Variants in MCM9 observed in about 807,000 individuals in gnomAD.
The protein encoded by MCM9 is minichromosome maintenance 9 homologous recombination repair factor, also known as DNA helicase MCM9.
MCM9 carries 55 observed loss-of-function variants against 72.8 expected under a neutral mutation model. The ratio of observed to expected loss-of-function variants is 0.76; its 90% confidence interval spans 0.61 to 0.95. The LOEUF (loss-of-function observed/expected upper bound fraction) is 0.95. Ranked by LOEUF, MCM9 falls within the 40% of genes least tolerant of loss-of-function variation. The pLI, the probability that MCM9 is intolerant of heterozygous loss-of-function variation, is 0.00. For missense variants in MCM9, 1,279 were observed against 1,377.0 expected, an observed-to-expected ratio of 0.93 and a Z score of 1.13; for synonymous variants, 480 against 503.4, an observed-to-expected ratio of 0.95 and a Z score of 0.62.
chr6:118,855,650 T>C (rs1364104288), intron 9 of MCM9, among the ~76,000 whole-genome samples: 1 of 152,174 alleles, frequency 6.6e-6, no homozygotes, highest in Non-Finnish European at 1.5e-5. Context: ...CTGGCAGCCC[T>C]ACCTGTCTGA....
chr6:118,907,425 T>G, intron 8 of MCM9: 1 of 1,605,806 alleles, frequency 6.2e-7, no homozygotes. Flanking sequence ...TTTTGGCATC[T>G]AATCCCAGGG....
chr6:118,837,970 T>C (rs1775080511), intron 9 of MCM9, among the ~76,000 whole-genome samples: 1 of 152,186 alleles, frequency 6.6e-6, no homozygotes, highest in Non-Finnish European at 1.5e-5. Flanking sequence ...GTCTTTACAA[T>C]TTCAAATGTT....
chr6:118,821,894 C>T (rs190170452), intron 13 of MCM9, among the ~76,000 whole-genome samples: 2 of 152,188 alleles, frequency 1.3e-5, no homozygotes, highest in African/African-American at 4.8e-5. Flanking sequence ...CTCTGATATC[C>T]TTTCTCACGC....
At chr6:118,831,660 AATAC>A (rs1774572505) in intron 9 of MCM9, among the ~76,000 whole-genome samples, 1 of 152,184 alleles carries the variant, frequency 6.6e-6, no homozygotes, top group African/African-American at 2.4e-5. Flanking sequence ...AACAAACACA[AATAC>A]ATACATACAA....
At chr6:118,904,951 C>G (rs1050868438) in intron 8 of MCM9, among the ~76,000 whole-genome samples, 2 of 152,188 alleles carry the variant, frequency 1.3e-5, no homozygotes, top group Non-Finnish European at 2.9e-5. Context: ...GATTCTCCTG[C>G]CTCAGCCTCC....
In MCM9 at chr6:118,816,386, A is replaced by G. The variant is rs1372434381; in HGVS notation, c.1962-92T>C. 3 of 1,127,108 alleles carry G rather than the reference A, an allele frequency of 2.7e-6. No homozygotes were observed. The East Asian group carries it at 8.1e-5, about 30-fold the overall frequency. The allele number at this position is 1,127,108 out of a possible 1,614,324, so 69.8% of individuals were successfully genotyped here. On this transcript the variant is annotated intron_variant, in intron 13 of 13. Coordinates refer to ENST00000619706, the MANE Select transcript of MCM9 (RefSeq NM_017696.3). ...TCTTTAGTCTCTGAGATACCATCTT[A>G]AAGATTTAAGTCCCACATAATTCCA...
chr6:118,845,618 CA>C (rs1339179213), intron 9 of MCM9, among the ~76,000 whole-genome samples: 1 of 151,776 alleles, frequency 6.6e-6, no homozygotes, highest in Non-Finnish European at 1.5e-5. Context: ...CCATATCTAG[CA>C]CAGGATGTTC....
intron 1 of MCM9, 62 bp downstream of exon 1, chr6:118,934,829 C>G (rs1243329203): frequency 6.6e-6 from 1 of 152,270 alleles, no homozygotes; most frequent in Non-Finnish European, 1.5e-5. Flanking sequence ...GAGACGGGAA[C>G]GAGACTTGGG....
intron 9 of MCM9, among the ~76,000 whole-genome samples, chr6:118,851,570 G>A (rs893099395): frequency 2.6e-5 from 4 of 151,784 alleles, no homozygotes; most frequent in African/African-American, 9.7e-5. Flanking sequence ...AATAACTAGA[G>A]GAGAACAAAG....
chr6:118,872,321 A>T (rs1777655952), intron 8 of MCM9, among the ~76,000 whole-genome samples: 1 of 151,936 alleles, frequency 6.6e-6, no homozygotes, highest in African/African-American at 2.4e-5. Flanking sequence ...TCCATCTCAA[A>T]AAAAAAAAGA....
chr6:118,861,611 CAG>C (rs1776909440), intron 8 of MCM9, among the ~76,000 whole-genome samples: 1 of 152,204 alleles, frequency 6.6e-6, no homozygotes, highest in Non-Finnish European at 1.5e-5. Flanking sequence ...CAGCACTCAG[CAG>C]AGAGGAGACC....
chr6:118,902,618 A>G (rs932960095), intron 8 of MCM9, among the ~76,000 whole-genome samples: 8 of 135,198 alleles, frequency 5.9e-5, no homozygotes, highest in Non-Finnish European at 1.3e-4. Flanking sequence ...TGTGTTTGTT[A>G]TTAAGCATAC....
At chr6:118,839,525 G>A (rs934498287) in intron 9 of MCM9, among the ~76,000 whole-genome samples, 3 of 152,106 alleles carry the variant, frequency 2.0e-5, no homozygotes, top group Non-Finnish European at 2.9e-5. Context: ...GGAATGTTCA[G>A]CCTTTTTGTG....
At chr6:118,848,588 T>C (rs1462063959) in intron 9 of MCM9, among the ~76,000 whole-genome samples, 1 of 151,858 alleles carries the variant, frequency 6.6e-6, no homozygotes, top group African/African-American at 2.4e-5. Context: ...AAATACTTGC[T>C]ATCCTAATCT....
At chr6:118,912,952 T>G (rs1382693350) in intron 7 of MCM9, 1 of 183,072 alleles carries the variant, frequency 5.5e-6, no homozygotes, top group Non-Finnish European at 1.1e-5. Context: ...CTGGAGACAT[T>G]AAAATACACT....
chr6:118,856,666 C>T, intron 8 of MCM9, 121 bp from the exon 9 acceptor site: 3 of 1,068,740 alleles, frequency 2.8e-6, no homozygotes, highest in South Asian at 3.3e-5. Context: ...ATTTCTTGAA[C>T]ACAGGAGTTC....
chr6:118,904,328 A>C (rs986832858), intron 8 of MCM9, among the ~76,000 whole-genome samples: 2 of 152,152 alleles, frequency 1.3e-5, no homozygotes, highest in East Asian at 3.8e-4. Context: ...TGTATCATCT[A>C]CCTGTGTTAG....
At chr6:118,868,669 T>G (rs546592853) in intron 8 of MCM9, among the ~76,000 whole-genome samples, 27 of 152,318 alleles carry the variant, frequency 1.8e-4, no homozygotes, top group African/African-American at 6.5e-4. Context: ...GAAAAAATGC[T>G]CATCATCACT....
At chr6:118,922,905 G>A (rs1444523990) in intron 4 of MCM9, among the ~76,000 whole-genome samples, 6 of 151,738 alleles carry the variant, frequency 4.0e-5, no homozygotes, top group African/African-American at 1.5e-4. Context: ...GGTGGCACAC[G>A]CCCGTAATCC....
Sources: allele counts gnomAD v4.1 joint callset (sites outside exome capture counted in the v4.1 genomes callset), GRCh38; gene constraint gnomAD v4.1.1; transcripts MANE v1.5; gene names NCBI Gene and HGNC (gene_info 2026-07-23, HGNC 2026-07-21).